The following PCSK5 variants were observed in gnomAD, a reference collection of about 807,000 sequenced individuals.
The protein encoded by PCSK5 is prohormone convertase 5.
In PCSK5, 129 loss-of-function variants were observed where a neutral mutation model predicts 233.2. The observed-to-expected ratio is 0.55, with a 90% CI of 0.48 to 0.64. The LOEUF is 0.64. Ranked by LOEUF, PCSK5 falls within the 30% of genes least tolerant of loss-of-function variation. The probability of loss-of-function intolerance (pLI) is 0.00; values close to 1 mark genes in which losing one functional copy is unlikely to be tolerated. For synonymous variants in PCSK5, 825 were observed against 879.2 expected, an observed-to-expected ratio of 0.94 and a Z score of 1.09; for missense variants, 2,076 against 2,430.1, an observed-to-expected ratio of 0.85 and a Z score of 3.06.
At chr9:75,910,193 C>T (rs1389004215) in intron 1 of PCSK5, among the ~76,000 whole-genome samples, 1 of 152,172 alleles carries the variant, frequency 6.6e-6, no homozygotes, top group Non-Finnish European at 1.5e-5. Context: ...TTCTCCTTAG[C>T]CTTGTGTGCA....
intron 1 of PCSK5, among the ~76,000 whole-genome samples, chr9:75,897,508 T>TTTC (rs1554702406): frequency 2.0e-5 from 3 of 149,668 alleles, no homozygotes; most frequent in Non-Finnish European, 3.0e-5. Context: ...TTTTTTTTTT[T>TTTC]CCCGAAACGG....
intron 37 of PCSK5, among the ~76,000 whole-genome samples, chr9:76,358,229 G>A (rs530569636): frequency 1.2e-4 from 18 of 152,152 alleles, no homozygotes; most frequent in South Asian, 2.1e-4. Context: ...AGACAGGCCG[G>A]GTGCGGTGGC....
chr9:76,338,582 C>A, intron 35 of PCSK5, 135 bp downstream of exon 35: 2 of 636,952 alleles, frequency 3.1e-6, no homozygotes, highest in Non-Finnish European at 2.8e-6. Context: ...TCCTCTCCAG[C>A]ATCAGCGCCC....
At chr9:75,910,367 T>G (rs1822670674) in intron 1 of PCSK5, among the ~76,000 whole-genome samples, 1 of 152,220 alleles carries the variant, frequency 6.6e-6, no homozygotes, top group Non-Finnish European at 1.5e-5. Flanking sequence ...AGCCACTTAT[T>G]AGTTATTTCC....
At chr9:76,018,608 A>G (rs1047335981) in intron 3 of PCSK5, among the ~76,000 whole-genome samples, 1 of 152,198 alleles carries the variant, frequency 6.6e-6, no homozygotes, top group African/African-American at 2.4e-5. Flanking sequence ...ATTGTCTTCC[A>G]CAAAACCAGA....
intron 7 of PCSK5, among the ~76,000 whole-genome samples, chr9:76,085,692 G>A (rs949551460): frequency 6.6e-6 from 1 of 152,234 alleles, no homozygotes; most frequent in African/African-American, 2.4e-5. Context: ...TTTCAGAAAT[G>A]TTAGGAGTTA....
At chr9:75,986,093 G>A (rs369314187) in intron 2 of PCSK5, 39 bp from the exon 3 acceptor site, 3 of 1,164,426 alleles carry the variant, frequency 2.6e-6, no homozygotes, top group Non-Finnish European at 3.9e-6. Flanking sequence ...TAATAACCCT[G>A]ATGGAACGTG....
chr9:75,993,422 T>C (rs1826861752), intron 3 of PCSK5, among the ~76,000 whole-genome samples: 1 of 152,224 alleles, frequency 6.6e-6, no homozygotes, highest in South Asian at 2.1e-4. Context: ...AAGATCATCC[T>C]GTTTGAACAT....
intron 28 of PCSK5, among the ~76,000 whole-genome samples, chr9:76,303,266 T>G (rs1281948593): frequency 1.3e-5 from 2 of 152,166 alleles, no homozygotes; most frequent in African/African-American, 2.4e-5. Flanking sequence ...CTCAAACTCT[T>G]GGCTTCAAGC....
intron 34 of PCSK5, among the ~76,000 whole-genome samples, chr9:76,334,120 G>A (rs1487320090): frequency 6.6e-6 from 1 of 152,046 alleles, no homozygotes; most frequent in Non-Finnish European, 1.5e-5. Context: ...CAGGCGAAAC[G>A]GGTTTCTCCT....
At chr9:76,142,910 G>A (rs919056158) in intron 10 of PCSK5, among the ~76,000 whole-genome samples, 2 of 152,054 alleles carry the variant, frequency 1.3e-5, no homozygotes, top group Admixed American at 1.3e-4. Flanking sequence ...GATGGTTCTG[G>A]ATAAATTATT....
At chr9:76,337,346 T>A (rs1375138141) in intron 34 of PCSK5, among the ~76,000 whole-genome samples, 2 of 151,504 alleles carry the variant, frequency 1.3e-5, no homozygotes, top group Non-Finnish European at 2.9e-5. Context: ...TTGTTTGTAT[T>A]TTTAGTAGAG....
chr9:76,284,120 GA>G (rs60078778), intron 24 of PCSK5, among the ~76,000 whole-genome samples: 19,099 of 135,544 alleles, frequency 0.14, 1,531 homozygotes, highest in African/African-American at 0.25. Context: ...GGCTGCAAAA[GA>G]AAAAAAAAAA....
At chr9:75,995,084 A>G (rs1339741238) in intron 3 of PCSK5, among the ~76,000 whole-genome samples, 2 of 152,144 alleles carry the variant, frequency 1.3e-5, no homozygotes, top group Non-Finnish European at 1.5e-5. Flanking sequence ...TGCTTCTCCC[A>G]TGTCCCTCTG....
intron 24 of PCSK5, among the ~76,000 whole-genome samples, chr9:76,244,566 T>G (rs1364366079): frequency 6.9e-6 from 1 of 144,408 alleles, no homozygotes. Context: ...TCCTGGGGTT[T>G]TTTTTTTTTT....
At chr9:76,223,876 C>T (rs565991988) in intron 20 of PCSK5, among the ~76,000 whole-genome samples, 11 of 152,198 alleles carry the variant, frequency 7.2e-5, no homozygotes, top group Non-Finnish European at 1.6e-4. Flanking sequence ...AAAAGAGCAA[C>T]TTCTCTGTGT....
chr9:76,112,909 A>G (rs1182371892), intron 9 of PCSK5, among the ~76,000 whole-genome samples: 1 of 152,184 alleles, frequency 6.6e-6, no homozygotes, highest in Non-Finnish European at 1.5e-5. Context: ...CATTGGTTCC[A>G]TAGAAATTTG....
intron 1 of PCSK5, among the ~76,000 whole-genome samples, chr9:75,899,846 G>A (rs1825949363): frequency 6.6e-6 from 1 of 152,190 alleles, no homozygotes; most frequent in South Asian, 2.1e-4. Flanking sequence ...TAGGGAGCGA[G>A]GGAGAACGGG....
chr9:76,032,787 T>C (rs1828702490), intron 5 of PCSK5, among the ~76,000 whole-genome samples: 1 of 152,204 alleles, frequency 6.6e-6, no homozygotes, highest in African/African-American at 2.4e-5. Context: ...GAATTATTGA[T>C]GTCTGAGTTA....
Sources: gnomAD v4.1 joint callset for allele counts (sites outside exome capture counted in the v4.1 genomes callset) on GRCh38, gnomAD v4.1.1 for gene constraint, MANE v1.5 for transcripts, NCBI Gene and HGNC (gene_info 2026-07-23, HGNC 2026-07-21) for gene names.